IL1RAP: variants seen among roughly 807,000 people sequenced by gnomAD.
The protein encoded by IL1RAP is interleukin-1 receptor accessory protein.
Under a neutral mutation model 60.7 loss-of-function variants are expected in IL1RAP, and 35 were observed. The ratio of observed to expected loss-of-function variants is 0.58; its 90% confidence interval spans 0.44 to 0.76. The LOEUF is 0.76. Among genes scored for constraint, IL1RAP ranks in the 30% least tolerant of loss-of-function variants. IL1RAP has a pLI of 0.00. For missense variants in IL1RAP, 572 were observed against 693.9 expected (o/e 0.82, Z 1.97); for synonymous variants, 268 against 250.9 (o/e 1.07, Z -0.64).
At chr3:190,580,649 G>T (rs1473837626) in intron 3 of IL1RAP, among the ~76,000 whole-genome samples, 10 of 152,148 alleles carry the variant, frequency 6.6e-5, no homozygotes, top group Admixed American at 1.3e-4. Flanking sequence ...TGAGAAGGGG[G>T]AGAAATGGAG....
intron 3 of IL1RAP, among the ~76,000 whole-genome samples, chr3:190,593,599 T>C (rs1729127352): frequency 6.6e-6 from 1 of 152,050 alleles, no homozygotes; most frequent in South Asian, 2.1e-4. Flanking sequence ...CAAAGTCACG[T>C]CTTACATGTC....
intron 1 of IL1RAP, among the ~76,000 whole-genome samples, chr3:190,539,277 C>G (rs1263407579): frequency 2.0e-5 from 3 of 152,136 alleles, no homozygotes; most frequent in African/African-American, 4.8e-5. Context: ...AGCCTGATCA[C>G]AAGGTCAGAG....
At chr3:190,563,802 A>T (rs9845825) in intron 2 of IL1RAP, 88,841 of 157,328 alleles carry the variant, frequency 0.56, 27,678 homozygotes, top group Middle Eastern at 0.72. Context: ...AAGTATTCCA[A>T]CTAGAAATAG....
downstream of IL1RAP, among the ~76,000 whole-genome samples, chr3:190,653,593 C>T (rs1237188755): frequency 3.3e-5 from 5 of 152,052 alleles, no homozygotes; most frequent in South Asian, 1.0e-3. Flanking sequence ...TCCTAGTTTT[C>T]TTCTAAGTGA....
chr3:190,568,187 T>C (rs937651869), intron 3 of IL1RAP, among the ~76,000 whole-genome samples: 4 of 152,236 alleles, frequency 2.6e-5, no homozygotes, highest in African/African-American at 9.6e-5. Flanking sequence ...AACAGTTGAC[T>C]GTGTGCCAGG....
exon 12 of IL1RAP, chr3:190,658,265 G>A (rs1734679914): frequency 1.3e-5 from 2 of 152,146 alleles, no homozygotes; most frequent in South Asian, 2.1e-4. Flanking sequence ...TAGTTAGCCT[G>A]AGGGCAACTA....
At chr3:190,553,046 T>C (rs1215733317) in intron 1 of IL1RAP, among the ~76,000 whole-genome samples, 2 of 152,040 alleles carry the variant, frequency 1.3e-5, no homozygotes, top group African/African-American at 4.8e-5. Flanking sequence ...AATCAACAAA[T>C]AGCAAAAGCA....
downstream of IL1RAP, chr3:190,655,842 A>G: frequency 1.5e-6 from 2 of 1,357,966 alleles, no homozygotes; most frequent in East Asian, 5.0e-5. Context: ...ACTGGAATAT[A>G]TGTAAGTTTT....
Position 190,637,717 on chromosome 3 carries a change from A to G in IL1RAP, c.1052-6531A>G, listed in dbSNP as rs1264446279. 5.3e-5 allele frequency among the ~76,000 whole-genome samples: 8 copies of G among 152,174 alleles called. No individual in the cohort carries two copies. In the East Asian group the frequency reaches 5.8e-4, roughly 11 times the overall value. ...ATTACCTAATATCCTATTAAGATATAGAATATTACCATCACCAGAAAGTAA... is the reference window on the plus strand; with the variant it reads ...ATTACCTAATATCCTATTAAGATATGGAATATTACCATCACCAGAAAGTAA... On this transcript the variant is annotated intron_variant, in intron 9 of 11. Coordinates refer to ENST00000447382, the MANE Select transcript of IL1RAP (RefSeq NM_002182.4).
At chr3:190,629,291 A>G (rs1732574778) in intron 8 of IL1RAP, 59 bp from the exon 9 acceptor site, 1 of 1,274,658 alleles carries the variant, frequency 7.8e-7, no homozygotes, top group African/African-American at 1.5e-5. Flanking sequence ...TGATTCCTAC[A>G]CAGTCCATAG....
At position 190,651,194 on chromosome 3, in the gene IL1RAP, A is replaced by G. The variant is rs906523809; in HGVS notation, c.*2489A>G. The stretch of plus-strand genomic sequence containing the variant: ...TTTTAAAAAAAATTAATGGTTTTAA[A>G]TATATGCTATAGGGACGTTCCATGC... On this transcript the variant is annotated 3_prime_UTR_variant, in exon 12 of 12. Coordinates refer to ENST00000447382, the MANE Select transcript of IL1RAP (RefSeq NM_002182.4). 2.8e-5 allele frequency: 27 copies of G among 981,700 alleles called. No individual in the cohort carries two copies. The South Asian group carries it at 1.1e-3, about 39-fold the overall frequency. 60.8% of individuals were successfully genotyped at this position (981,700 alleles called of 1,614,324 possible). A position where few individuals can be genotyped will look rare whatever the true frequency, so the allele number is the denominator to read the frequency against.
Position 190,651,212 on chromosome 3 carries a change from T to G in IL1RAP, c.*2507T>G, listed in dbSNP as rs1035609047. ...GTTTTAAATATATGCTATAGGGACG[T>G]TCCATGCCCAGGTTAACAAAGAACT... On this transcript the variant is annotated 3_prime_UTR_variant, in exon 12 of 12. Coordinates refer to ENST00000447382, the MANE Select transcript of IL1RAP (RefSeq NM_002182.4). 14 of 981,394 alleles carry G rather than the reference T, an allele frequency of 1.4e-5. No individual in the cohort carries two copies. The highest frequency in any genetic ancestry group is 1.7e-5 in the Non-Finnish European group (14 of 826,408). The allele number at this position is 981,394 out of a possible 1,614,324, so 60.8% of individuals were successfully genotyped here. A position where few individuals can be genotyped will look rare whatever the true frequency, so the allele number is the denominator to read the frequency against.
intron 11 of IL1RAP, among the ~76,000 whole-genome samples, chr3:190,647,970 G>A (rs941719872): frequency 1.3e-5 from 2 of 152,262 alleles, no homozygotes; most frequent in East Asian, 3.9e-4. Context: ...ATGAGCTGAC[G>A]TGGCTAGACC....
intron 3 of IL1RAP, among the ~76,000 whole-genome samples, chr3:190,574,197 A>T (rs1727246953): frequency 6.6e-6 from 1 of 152,072 alleles, no homozygotes; most frequent in African/African-American, 2.4e-5. Context: ...ACCAAAACAG[A>T]ATCTAGTATG....
intron 1 of IL1RAP, among the ~76,000 whole-genome samples, chr3:190,530,288 C>G (rs1722880016): frequency 6.6e-6 from 1 of 152,074 alleles, no homozygotes; most frequent in Non-Finnish European, 1.5e-5. Flanking sequence ...TCCTATAAGA[C>G]ATGGAGACAC....
intron 7 of IL1RAP, among the ~76,000 whole-genome samples, chr3:190,625,487 A>G (rs2108806331): frequency 6.6e-6 from 1 of 152,292 alleles, no homozygotes; most frequent in Middle Eastern, 3.4e-3. Flanking sequence ...CAATTAAAAG[A>G]GTTCAGGGAC....
Position 190,650,020 on chromosome 3 carries a change from C to A in IL1RAP, c.*1315C>A. On this transcript the variant is annotated 3_prime_UTR_variant, in exon 12 of 12. Coordinates refer to ENST00000447382, the MANE Select transcript of IL1RAP (RefSeq NM_002182.4). ...ATATATATACATATCCACACACATA[C>A]ATTACATATATCTGTGTATATAAAT... 1.8e-6 allele frequency: 1 copy of A among 542,794 alleles called. No homozygotes were observed. Among genetic ancestry groups the A allele is most frequent in the Non-Finnish European group, 2.3e-6 (1 of 426,482 alleles). The allele number at this position is 542,794 out of a possible 1,614,324, so 33.6% of individuals were successfully genotyped here.
chr3:190,596,242 A>G (rs1214076409), intron 3 of IL1RAP, among the ~76,000 whole-genome samples: 3 of 152,246 alleles, frequency 2.0e-5, no homozygotes, highest in Non-Finnish European at 4.4e-5. Flanking sequence ...CAGGTTCTCA[A>G]TAAATATTTA....
rs1734238370 is a variant in IL1RAP, at chr3:190,649,072, A to T, written c.*367A>T. On this transcript the variant is annotated 3_prime_UTR_variant, in exon 12 of 12. Transcript: ENST00000447382. ...TGAATTTAAATATGCCTTTAAAATAAGTCACTGTTGACAGGGTCATGAGTT... is the reference window on the plus strand; with the variant it reads ...TGAATTTAAATATGCCTTTAAAATATGTCACTGTTGACAGGGTCATGAGTT... 1 of 996,298 alleles carries T rather than the reference A, an allele frequency of 1.0e-6. No homozygotes were observed. The highest frequency in any genetic ancestry group is 1.2e-6 in the Non-Finnish European group (1 of 837,076). The allele number at this position is 996,298 out of a possible 1,614,324, so 61.7% of individuals were successfully genotyped here.
Sources: allele counts gnomAD v4.1 joint callset (sites outside exome capture counted in the v4.1 genomes callset), GRCh38; gene constraint gnomAD v4.1.1; transcripts MANE v1.5; gene names NCBI Gene and HGNC (gene_info 2026-07-23, HGNC 2026-07-21).